Variants in WDR27 observed in about 807,000 individuals in gnomAD.
The protein encoded by WDR27 is WD repeat-containing protein 27.
Under a neutral mutation model 114.4 loss-of-function variants are expected in WDR27, and 100 were observed. The observed-to-expected ratio is 0.87, with a 90% confidence interval of 0.74 to 1.03. The LOEUF (loss-of-function observed/expected upper bound fraction) is 1.03. Among genes scored for constraint, WDR27 ranks in the 50% least tolerant of loss-of-function variants. WDR27 has a pLI of 0.00. For synonymous variants in WDR27, 449 were observed against 423.1 expected, an observed-to-expected ratio of 1.06 and a Z score of -0.75; for missense variants, 1,129 against 1,092.9, an observed-to-expected ratio of 1.03 and a Z score of -0.47.
At chr6:169,427,690 G>C in the WDR27 span, among the ~76,000 whole-genome samples, 18 of 151,600 alleles carry the variant, frequency 1.2e-4, no homozygotes, top group African/African-American at 4.4e-4. Flanking sequence ...AATCCCACCT[G>C]TGCCCTTCAC....
chr6:169,507,777 C>T (rs978714001), intron 25 of WDR27, among the ~76,000 whole-genome samples: 2 of 152,196 alleles, frequency 1.3e-5, no homozygotes, highest in Non-Finnish European at 2.9e-5. Flanking sequence ...TATTGGTACA[C>T]AGACACATCC....
In WDR27 at chr6:169,684,837, T is replaced by TCCCCAGGAGCTGCCCCAGCAGATAA. The variant is rs1782495426; in HGVS notation, c.189+3979_189+3980insTTATCTGCTGGGGCAGCTCCTGGGG. 6.6e-6 allele frequency among the ~76,000 whole-genome samples: 1 copy of TCCCCAGGAGCTGCCCCAGCAGATAA among 152,054 alleles called. No individual in the cohort carries two copies. The highest frequency in any genetic ancestry group is 2.4e-5 in the African/African-American group (1 of 41,362). ...GCCCCAGGAGCTGCCCCAGCAGATA[T>TCCCCAGGAGCTGCCCCAGCAGATAA]GTCCCCACGCTGGCCAAGCAACCAT... On this transcript the variant is annotated intron_variant, in intron 2 of 25. Coordinates refer to ENST00000448612, the MANE Select transcript of WDR27 (RefSeq NM_182552.5). The surrounding 1 kb of genome is among the most constrained non-coding windows in gnomAD (Gnocchi z 4.3).
At chr6:169,619,613 G>C (rs1406095690) in intron 21 of WDR27, among the ~76,000 whole-genome samples, 1 of 152,156 alleles carries the variant, frequency 6.6e-6, no homozygotes, top group East Asian at 1.9e-4. Flanking sequence ...GGGGCTTCCA[G>C]GCTCTAGGTA....
chr6:169,510,746 C>A lies in WDR27; in HGVS notation c.2646-53112G>T, dbSNP rs944146125. Reference sequence around the variant, plus strand: ...TGTATACATATGTAACAAACCTGCACGTTGTGCACATGTATCCTAAAACTT... The same window carrying A: ...TGTATACATATGTAACAAACCTGCAAGTTGTGCACATGTATCCTAAAACTT... On this transcript the variant is annotated intron_variant, in intron 25 of 25. Transcript: ENST00000448612. Among the ~76,000 whole-genome samples, 3 of 151,740 alleles carry A rather than the reference C, an allele frequency of 2.0e-5. No individual in the cohort carries two copies. The East Asian group carries it at 5.8e-4, about 29-fold the overall frequency.
chr6:169,479,340 C>T (rs1300652586), intron 25 of WDR27, among the ~76,000 whole-genome samples: 3 of 152,054 alleles, frequency 2.0e-5, no homozygotes, highest in Middle Eastern at 3.2e-3. Flanking sequence ...CAATGAGATA[C>T]CATCTCATAC....
intron 24 of WDR27, among the ~76,000 whole-genome samples, chr6:169,574,323 C>T (rs1801909161): frequency 1.3e-5 from 2 of 152,226 alleles, no homozygotes; most frequent in South Asian, 2.1e-4. Context: ...GACAACTGAG[C>T]AGTAACAGTG....
chr6:169,657,450 G>A (rs937521697), intron 13 of WDR27, among the ~76,000 whole-genome samples: 3 of 152,212 alleles, frequency 2.0e-5, no homozygotes, highest in African/African-American at 7.2e-5. Context: ...GGGTGGGGTC[G>A]CCAGGTCGCT....
chr6:169,468,817 A>C (rs1485362330), intron 25 of WDR27, among the ~76,000 whole-genome samples: 1 of 152,224 alleles, frequency 6.6e-6, no homozygotes, highest in African/African-American at 2.4e-5. Flanking sequence ...ACAGTTCTGT[A>C]GGCTTGGAAA....
chr6:169,677,554 A>T (rs1043461710), intron 2 of WDR27, among the ~76,000 whole-genome samples: 2 of 152,268 alleles, frequency 1.3e-5, no homozygotes, highest in Non-Finnish European at 2.9e-5. Context: ...TGTGGCAAAA[A>T]GTAACTGTTT....
At chr6:169,688,129 A>G (rs1783512505) in intron 2 of WDR27, among the ~76,000 whole-genome samples, 1 of 152,232 alleles carries the variant, frequency 6.6e-6, no homozygotes, top group African/African-American at 2.4e-5. Context: ...TTATTACTCT[A>G]TAATAAAAAT....
intron 25 of WDR27, among the ~76,000 whole-genome samples, chr6:169,531,773 C>A (rs1412800781): frequency 2.0e-5 from 3 of 152,026 alleles, no homozygotes; most frequent in African/African-American, 7.3e-5. Context: ...CCTGCCTCAG[C>A]CTCCCAAGTA....
chr6:169,526,781 A>G (rs986455459), intron 25 of WDR27, among the ~76,000 whole-genome samples: 1 of 152,226 alleles, frequency 6.6e-6, no homozygotes, highest in Non-Finnish European at 1.5e-5. Context: ...ATTATTCAGA[A>G]TAAATAAAGA....
intron 21 of WDR27, among the ~76,000 whole-genome samples, chr6:169,626,074 G>C (rs560570356): frequency 6.6e-6 from 1 of 152,366 alleles, no homozygotes; most frequent in Admixed American, 6.5e-5. Flanking sequence ...TATCCTAAAA[G>C]CTGCTGGGGC....
intron 19 of WDR27, among the ~76,000 whole-genome samples, chr6:169,634,862 A>T (rs1817292378): frequency 6.6e-6 from 1 of 152,146 alleles, no homozygotes; most frequent in Non-Finnish European, 1.5e-5. Context: ...CTCCCGCTAC[A>T]TATAACTGAA....
rs1213828685 is a variant in WDR27 at position 169,557,830 on chromosome 6, G to C, written c.2645+14589C>G. 2.6e-5 allele frequency among the ~76,000 whole-genome samples: 4 copies of C among 152,050 alleles called. No homozygotes were observed. The South Asian group carries it at 8.3e-4, about 32-fold the overall frequency. ...ACTTGCATTCCCCTCCACTTAATAA[G>C]TTATCAGGACAGAAGATTATCACTA... is the stretch of plus-strand genomic sequence containing the variant. On this transcript the variant is annotated intron_variant, in intron 25 of 25. Transcript: ENST00000448612.
intron 21 of WDR27, among the ~76,000 whole-genome samples, chr6:169,621,336 GCA>G (rs67460058): frequency 0.76 from 111,151 of 145,936 alleles, 42,994 homozygotes; most frequent in Non-Finnish European, 0.87. Flanking sequence ...ATATACATAC[GCA>G]CACACATGCA....
intron 1 of WDR27, among the ~76,000 whole-genome samples, chr6:169,698,484 C>G (rs1219293230): frequency 6.6e-6 from 1 of 152,146 alleles, no homozygotes; most frequent in Non-Finnish European, 1.5e-5. Flanking sequence ...TGCAACCTAT[C>G]CTCCCATTGA....
At chr6:169,448,392 A>ATG in the WDR27 span, among the ~76,000 whole-genome samples, 23,882 of 131,564 alleles carry the variant, frequency 0.18, 2,680 homozygotes, top group East Asian at 0.63. Context: ...CTCTGTCTCT[A>ATG]TGTGTGTGTG....
At chr6:169,689,438 G>C (rs1320861131) in intron 1 of WDR27, 3 of 152,934 alleles carry the variant, frequency 2.0e-5, no homozygotes, top group Non-Finnish European at 4.4e-5. Context: ...GTTATTTTCT[G>C]AATTGACCAC....
Sources: allele counts gnomAD v4.1 joint callset (sites outside exome capture counted in the v4.1 genomes callset), GRCh38; gene constraint gnomAD v4.1.1; non-coding constraint Gnocchi (gnomAD v3.1); transcripts MANE v1.5; gene names NCBI Gene and HGNC (gene_info 2026-07-23, HGNC 2026-07-21).